Variants in ESRRG observed in about 807,000 individuals in gnomAD.
ESRRG encodes estrogen related receptor gamma, also known as estrogen-related receptor gamma.
ESRRG carries 13 observed loss-of-function variants against 44.0 expected under a neutral mutation model. The ratio of observed to expected loss-of-function variants is 0.30; its 90% CI spans 0.19 to 0.47. The LOEUF (loss-of-function observed/expected upper bound fraction) is 0.47. Ranked by LOEUF, ESRRG falls within the 20% of genes least tolerant of loss-of-function variation. ESRRG has a pLI of 1.00. For missense variants in ESRRG, 395 were observed against 580.6 expected, an observed-to-expected ratio of 0.68 and a Z score of 3.29; for synonymous variants, 215 against 214.6, an observed-to-expected ratio of 1.00 and a Z score of -0.02.
At chr1:216,739,099 A>G (rs2090347101) in intron 2 of ESRRG, among the ~76,000 whole-genome samples, 1 of 152,168 alleles carries the variant, frequency 6.6e-6, no homozygotes, top group Non-Finnish European at 1.5e-5. Context: ...GCATCCCTCT[A>G]TCATCTCAAC....
chr1:217,116,566 A>G (rs1050946237), intron 1 of ESRRG, among the ~76,000 whole-genome samples: 5 of 152,188 alleles, frequency 3.3e-5, no homozygotes, highest in Non-Finnish European at 5.9e-5. Context: ...CTGTCAGAAT[A>G]TTCTTACTTA....
chr1:216,954,542 T>C (rs530265586), intron 1 of ESRRG, among the ~76,000 whole-genome samples: 1 of 152,114 alleles, frequency 6.6e-6, no homozygotes, highest in Non-Finnish European at 1.5e-5. Flanking sequence ...CACTAAAGGC[T>C]CCTAATTACT....
chr1:216,515,565 T>C (rs1265605611), intron 6 of ESRRG, among the ~76,000 whole-genome samples: 1 of 152,200 alleles, frequency 6.6e-6, no homozygotes, highest in Non-Finnish European at 1.5e-5. Context: ...GTTAGAGTTA[T>C]TTATGATTTT....
chr1:217,045,863 T>C (rs74506453), intron 1 of ESRRG, among the ~76,000 whole-genome samples: 51 of 152,350 alleles, frequency 3.3e-4, no homozygotes, highest in Non-Finnish European at 6.0e-4. Flanking sequence ...TTTTGAAATA[T>C]GTAATTTTCA....
chr1:216,830,830 GA>G (rs964448386), intron 2 of ESRRG, among the ~76,000 whole-genome samples: 15 of 149,838 alleles, frequency 1.0e-4, no homozygotes, highest in East Asian at 5.9e-4. Flanking sequence ...ATGTTAGAAG[GA>G]AAAAAAAAGG....
At chr1:217,051,206 G>GGGT (rs1553259224) in intron 1 of ESRRG, among the ~76,000 whole-genome samples, 3 of 110,340 alleles carry the variant, frequency 2.7e-5, no homozygotes, top group South Asian at 4.1e-4. Flanking sequence ...AATGGGGGCG[G>GGGT]GGGGGGGGGG....
chr1:216,950,334 A>G (rs2066749631), intron 1 of ESRRG, among the ~76,000 whole-genome samples: 1 of 152,228 alleles, frequency 6.6e-6, no homozygotes, highest in Admixed American at 6.5e-5. Context: ...AATGTAAAGT[A>G]GGAACACCTA....
chr1:216,511,524 G>T (rs2042702790), intron 6 of ESRRG, among the ~76,000 whole-genome samples: 1 of 59,748 alleles, frequency 1.7e-5, no homozygotes, highest in Non-Finnish European at 5.4e-5. Flanking sequence ...AGGTGACAGG[G>T]TATTCCCAAA....
intron 5 of ESRRG, among the ~76,000 whole-genome samples, chr1:216,562,216 G>C (rs2058886297): frequency 6.6e-6 from 1 of 152,080 alleles, no homozygotes; most frequent in South Asian, 2.1e-4. Context: ...CCGAAATAAT[G>C]GGTGGTTTGG....
chr1:216,527,011 G>T (rs146503984), intron 5 of ESRRG, among the ~76,000 whole-genome samples: 300 of 152,262 alleles, frequency 2.0e-3, no homozygotes, highest in African/African-American at 7.1e-3. Context: ...AAATCAACTA[G>T]TATTTAGAGT....
chr1:216,764,348 C>T (rs1423857465), intron 2 of ESRRG, among the ~76,000 whole-genome samples: 4 of 151,948 alleles, frequency 2.6e-5, no homozygotes, highest in African/African-American at 2.4e-5. Context: ...CAGCTCACTG[C>T]AACCTCTGCC....
chr1:216,623,170 C>T (rs957219254), intron 3 of ESRRG, among the ~76,000 whole-genome samples: 8 of 141,416 alleles, frequency 5.7e-5, no homozygotes, highest in African/African-American at 2.1e-4. Flanking sequence ...GCAAGCTCTG[C>T]CTCCTGGGTT....
At chr1:217,069,426 AAT>A (rs3072275) in intron 1 of ESRRG, among the ~76,000 whole-genome samples, 26 of 148,420 alleles carry the variant, frequency 1.8e-4, no homozygotes, top group East Asian at 3.9e-4. Context: ...CAGATATAGA[AAT>A]ATATATATAT....
intron 3 of ESRRG, among the ~76,000 whole-genome samples, chr1:216,627,761 C>T (rs1419650458): frequency 2.0e-5 from 3 of 152,086 alleles, no homozygotes; most frequent in Non-Finnish European, 4.4e-5. Context: ...GCATAGTCTT[C>T]TTAATGTAAA....
At chr1:216,603,430 G>A (rs2059503249) in intron 3 of ESRRG, among the ~76,000 whole-genome samples, 1 of 152,174 alleles carries the variant, frequency 6.6e-6, no homozygotes, top group Non-Finnish European at 1.5e-5. Flanking sequence ...TTAGCTAGAT[G>A]TGGAAAGATT....
At chr1:216,826,123 A>C (rs2095389320) in intron 2 of ESRRG, among the ~76,000 whole-genome samples, 1 of 151,908 alleles carries the variant, frequency 6.6e-6, no homozygotes, top group African/African-American at 2.4e-5. Context: ...AGTTACTTTG[A>C]ATTTAAACTA....
chr1:216,550,502 C>T (rs957018416), intron 5 of ESRRG, among the ~76,000 whole-genome samples: 4 of 152,062 alleles, frequency 2.6e-5, no homozygotes, highest in African/African-American at 9.7e-5. Flanking sequence ...GGCTGATATC[C>T]CTGACTAAGC....
intron 2 of ESRRG, among the ~76,000 whole-genome samples, chr1:216,739,185 G>C (rs1444319041): frequency 6.6e-6 from 1 of 151,484 alleles, no homozygotes; most frequent in Non-Finnish European, 1.5e-5. Context: ...GAGTAAAACT[G>C]CATCCTGTTT....
At chr1:216,704,033 A>G (rs1178916232) in intron 1 of ESRRG, among the ~76,000 whole-genome samples, 1 of 152,212 alleles carries the variant, frequency 6.6e-6, no homozygotes. Flanking sequence ...GAAAAAATAT[A>G]AAAAGGATTA....
Sources: gnomAD v4.1 joint callset for allele counts (sites outside exome capture counted in the v4.1 genomes callset) on GRCh38, gnomAD v4.1.1 for gene constraint, MANE v1.5 for transcripts, NCBI Gene and HGNC (gene_info 2026-07-23, HGNC 2026-07-21) for gene names.